The following ARHGAP19 variants were observed in gnomAD, a reference collection of about 807,000 sequenced individuals.
ARHGAP19 encodes the protein rho GTPase-activating protein 19.
Under a neutral mutation model 60.9 loss-of-function variants are expected in ARHGAP19, and 48 were observed. The ratio of observed to expected loss-of-function variants is 0.79; its 90% CI spans 0.62 to 1.00. The LOEUF is 1.00. ARHGAP19 is among the 50% of genes least tolerant of loss of function. The pLI is 0.00. For synonymous variants in ARHGAP19, 209 were observed against 215.5 expected, an observed-to-expected ratio of 0.97 and a Z score of 0.27; for missense variants, 562 against 597.2, an observed-to-expected ratio of 0.94 and a Z score of 0.61.
intron 1 of ARHGAP19, among the ~76,000 whole-genome samples, chr10:97,272,115 T>C (rs1439912832): frequency 1.3e-5 from 2 of 148,552 alleles, no homozygotes; most frequent in Non-Finnish European, 3.0e-5. Context: ...CTTATACACT[T>C]AGGTGGGAAA....
chr10:97,233,166 C>T (rs1337136421), intron 9 of ARHGAP19, among the ~76,000 whole-genome samples: 1 of 151,670 alleles, frequency 6.6e-6, no homozygotes, highest in Admixed American at 6.6e-5. Flanking sequence ...AGACCAGCAA[C>T]ACAGCAAGAC....
At chr10:97,282,619 C>T (rs1013011262) in intron 1 of ARHGAP19, among the ~76,000 whole-genome samples, 2 of 152,160 alleles carry the variant, frequency 1.3e-5, no homozygotes, top group Non-Finnish European at 2.9e-5. Context: ...GGCTGCCAAT[C>T]AGTCAGCCAT....
At chr10:97,238,039 A>C (rs908568582) in intron 8 of ARHGAP19, among the ~76,000 whole-genome samples, 2 of 152,112 alleles carry the variant, frequency 1.3e-5, no homozygotes, top group African/African-American at 4.8e-5. Flanking sequence ...CAAGTCTTTC[A>C]GGAGGTATTC....
intron 1 of ARHGAP19, 88 bp downstream of exon 1, chr10:97,292,483 AC>A: frequency 6.7e-7 from 1 of 1,502,148 alleles, no homozygotes; most frequent in Non-Finnish European, 9.2e-7. Context: ...CAAAGCCCGA[AC>A]CGTGCGCCTC....
intron 6 of ARHGAP19, among the ~76,000 whole-genome samples, chr10:97,251,158 GGGGAA>G (rs1252806492): frequency 5.2e-5 from 6 of 115,990 alleles, no homozygotes; most frequent in African/African-American, 2.0e-4. Context: ...GGAAAGCCAA[GGGGAA>G]GGGAAGGGGA....
intron 4 of ARHGAP19, 150 bp from the exon 5 acceptor site, chr10:97,259,778 TAATAAC>T (rs1842803989): frequency 3.2e-6 from 2 of 628,668 alleles, no homozygotes; most frequent in Non-Finnish European, 5.7e-6. Context: ...CAGCAAAACA[TAATAAC>T]AAAATAATGT....
intron 6 of ARHGAP19, among the ~76,000 whole-genome samples, chr10:97,251,281 GGAAAAA>G (rs1267442755): frequency 4.7e-4 from 21 of 44,540 alleles, no homozygotes; most frequent in South Asian, 2.2e-3. Flanking sequence ...GGAAGGGAAG[GGAAAAA>G]GGAAGGGAAG....
chr10:97,289,895 G>T (rs1843207855), intron 1 of ARHGAP19, among the ~76,000 whole-genome samples: 2 of 150,888 alleles, frequency 1.3e-5, no homozygotes, highest in African/African-American at 4.9e-5. Flanking sequence ...AAAAAGAAAA[G>T]AAAAGAAAAT....
chr10:97,290,535 C>G (rs546275368), intron 1 of ARHGAP19, among the ~76,000 whole-genome samples: 2 of 152,044 alleles, frequency 1.3e-5, no homozygotes, highest in African/African-American at 4.8e-5. Context: ...CTGAGAACCC[C>G]AGGTCAGAGA....
At chr10:97,242,350 T>G (rs1267458509) in intron 8 of ARHGAP19, among the ~76,000 whole-genome samples, 1 of 143,278 alleles carries the variant, frequency 7.0e-6, no homozygotes, top group Admixed American at 6.9e-5. Flanking sequence ...TTTTTTTTTT[T>G]GAGACGGGGT....
rs1388293331 is a variant in ARHGAP19 at position 97,259,510 on chromosome 10, C to A, written c.732G>T (p.Lys244Asn). Residue 244 changes from lysine (K) to asparagine (N), a missense_variant, in exon 5 of 12, where the codon AAG becomes AAT. Lys to Asn is a moderately conservative substitution (Grantham distance 94). Transcript: ENST00000358531. ...TCTGGTATAGGAGATCAAGCAATAA[C>A]TTCAGCAAATTACGATTAGGAGGAG... ...ILPPPNRNLL[K>N]LLLDLLYQTA... 1 of 1,614,164 alleles carries A rather than the reference C, an allele frequency of 6.2e-7. No homozygotes were observed. The highest frequency in any genetic ancestry group is 1.1e-5 in the South Asian group (1 of 91,080).
At chr10:97,231,685 AGGT>A (rs879716042) in intron 9 of ARHGAP19, among the ~76,000 whole-genome samples, 136 of 152,330 alleles carry the variant, frequency 8.9e-4, no homozygotes, top group Admixed American at 1.5e-3. Flanking sequence ...TGTATATCCA[AGGT>A]TTGTCATCCA....
intron 11 of ARHGAP19, among the ~76,000 whole-genome samples, chr10:97,227,572 A>G (rs1249461693): frequency 1.3e-5 from 2 of 152,242 alleles, no homozygotes; most frequent in Non-Finnish European, 2.9e-5. Flanking sequence ...ATAATGTAGC[A>G]TCATAACACC....
At chr10:97,287,462 C>A (rs560823143) in intron 1 of ARHGAP19, among the ~76,000 whole-genome samples, 12 of 152,302 alleles carry the variant, frequency 7.9e-5, no homozygotes, top group Admixed American at 7.8e-4. Context: ...AAATCTTTGG[C>A]CAGGTGCAGT....
chr10:97,240,637 C>T (rs986329518), intron 8 of ARHGAP19, among the ~76,000 whole-genome samples: 1 of 152,088 alleles, frequency 6.6e-6, no homozygotes, highest in Non-Finnish European at 1.5e-5. Context: ...GGCGACAGAG[C>T]AGAACTCTGT....
Position 97,228,926 on chromosome 10 carries a change from G to C in ARHGAP19, c.1474+221C>G, listed in dbSNP as rs536267960. On this transcript the variant is annotated intron_variant, in intron 11 of 11. Transcript: ENST00000358531. ...CTGTCCAAGAACACAGGGACCATGTGGGTCTGTGTTCACAGCTCTACCCTT... is the reference window on the plus strand; with the variant it reads ...CTGTCCAAGAACACAGGGACCATGTCGGTCTGTGTTCACAGCTCTACCCTT... 3.3e-4 allele frequency: 217 copies of C among 652,418 alleles called. 1 individual carries two copies. In the African/African-American group the frequency reaches 3.6e-3, roughly 11 times the overall value. The allele number at this position is 652,418 out of a possible 1,614,324, so 40.4% of individuals were successfully genotyped here.
chr10:97,263,525 C>T lies in ARHGAP19; in HGVS notation c.508G>A (p.Glu170Lys), dbSNP rs770580121. 1.9e-6 allele frequency: 3 copies of T among 1,614,012 alleles called. No homozygotes were observed. In the African/African-American group the frequency reaches 4.0e-5, roughly 22 times the overall value. ...NGTDIDLESG[E>K]FHSNDVATLL... ...GTGGCAACATCATTTGAGTGAAATTCCCCTGATTCCAAGTCAATGTCAGTT... is the reference window on the plus strand; with the variant it reads ...GTGGCAACATCATTTGAGTGAAATTTCCCTGATTCCAAGTCAATGTCAGTT... The change falls in exon 4 of 12, where the codon GAA (glutamate) becomes AAA (lysine). Residue 170 changes from glutamate to lysine, a missense_variant. Physicochemically the swap from Glu to Lys is moderately conservative, Grantham distance 56. Transcript: ENST00000358531.
intron 1 of ARHGAP19, among the ~76,000 whole-genome samples, chr10:97,268,066 ACT>A (rs138354585): frequency 0.029 from 4,428 of 152,318 alleles, 91 homozygotes; most frequent in Non-Finnish European, 0.044. Context: ...AATTTTTCAA[ACT>A]TTTATGCTCT....
At chr10:97,283,700 A>G (rs1355583611) in intron 1 of ARHGAP19, among the ~76,000 whole-genome samples, 3 of 152,096 alleles carry the variant, frequency 2.0e-5, no homozygotes, top group Non-Finnish European at 2.9e-5. Flanking sequence ...ATTACAGTTT[A>G]AGACTCAGAA....
Sources: gnomAD v4.1 joint callset for allele counts (sites outside exome capture counted in the v4.1 genomes callset) on GRCh38, gnomAD v4.1.1 for gene constraint, MANE v1.5 for transcripts, NCBI Gene and HGNC (gene_info 2026-07-23, HGNC 2026-07-21) for gene names.